PTPRZ1: variants seen among roughly 807,000 people sequenced by gnomAD.
The protein encoded by PTPRZ1 is receptor-type tyrosine-protein phosphatase zeta.
In PTPRZ1, 82 loss-of-function variants were observed where a neutral mutation model predicts 214.1. The observed-to-expected ratio is 0.38, with a 90% CI of 0.32 to 0.46. The LOEUF (loss-of-function observed/expected upper bound fraction) is 0.46. Among genes scored for constraint, PTPRZ1 ranks in the 20% least tolerant of loss-of-function variants. PTPRZ1 has a pLI of 1.00. For missense variants in PTPRZ1, 2,603 were observed against 2,748.7 expected (o/e 0.95, Z 1.19); for synonymous variants, 945 against 987.9 (o/e 0.96, Z 0.81).
intron 1 of PTPRZ1, among the ~76,000 whole-genome samples, chr7:121,902,230 T>C (rs967924224): frequency 2.6e-5 from 4 of 152,200 alleles, no homozygotes; most frequent in African/African-American, 9.6e-5. Context: ...ATATACCACA[T>C]TTTAAAATTC....
intron 27 of PTPRZ1, among the ~76,000 whole-genome samples, chr7:122,057,804 CA>C (rs1272008158): frequency 6.6e-6 from 1 of 151,584 alleles, no homozygotes; most frequent in African/African-American, 2.4e-5. Flanking sequence ...TGCTCTCTTA[CA>C]CTGTTTTCCA....
chr7:121,884,590 G>A (rs1424018336), intron 1 of PTPRZ1, among the ~76,000 whole-genome samples: 1 of 152,210 alleles, frequency 6.6e-6, no homozygotes, highest in Non-Finnish European at 1.5e-5. Context: ...TACACTGTCA[G>A]CCCTCTCCAA....
chr7:121,874,696 G>A (rs999847153), intron 1 of PTPRZ1, among the ~76,000 whole-genome samples: 5 of 152,128 alleles, frequency 3.3e-5, no homozygotes, highest in African/African-American at 1.2e-4. Flanking sequence ...ATTGCCCATA[G>A]ACCCCCACAC....
At chr7:122,059,706 T>A in intron 28 of PTPRZ1, 47 bp from the exon 29 acceptor site, 2 of 1,558,684 alleles carry the variant, frequency 1.3e-6, no homozygotes, top group Admixed American at 2.0e-5. Context: ...ATGTGAGTGG[T>A]GCATCTCAAT....
At chr7:121,874,104 T>G (rs150326567) in intron 1 of PTPRZ1, among the ~76,000 whole-genome samples, 76 of 151,808 alleles carry the variant, frequency 5.0e-4, no homozygotes, top group Middle Eastern at 3.4e-3. Flanking sequence ...AACCTGACTT[T>G]TCAGGGTTTT....
In PTPRZ1 at chr7:122,010,589, G is replaced by GAT; in HGVS notation, c.1546_1547dup (p.Ser517PhefsTer3). ...AGTCACTAAATTAGCCACAGAAAAA[G>GAT]ATATTTCCTTGACTTCTCAGACTGT... On this transcript the variant is annotated frameshift_variant, in exon 12 of 30. Coordinates refer to ENST00000393386, the MANE Select transcript of PTPRZ1 (RefSeq NM_002851.3). LOFTEE classifies it high-confidence loss of function. 1 of 1,613,662 alleles carries GAT rather than the reference G, an allele frequency of 6.2e-7. No homozygotes were observed. Among genetic ancestry groups the GAT allele is most frequent in the Non-Finnish European group, 8.5e-7 (1 of 1,179,588 alleles).
At chr7:122,026,892 G>A (rs897047102) in intron 13 of PTPRZ1, among the ~76,000 whole-genome samples, 23 of 152,178 alleles carry the variant, frequency 1.5e-4, no homozygotes, top group Admixed American at 4.6e-4. Flanking sequence ...TCAGAGAAAT[G>A]CTTCGGGGTT....
intron 17 of PTPRZ1, among the ~76,000 whole-genome samples, chr7:122,034,703 C>T (rs1303956967): frequency 6.6e-6 from 1 of 152,068 alleles, no homozygotes; most frequent in Non-Finnish European, 1.5e-5. Context: ...CCTATTTTCA[C>T]CTAGGATTTG....
Position 122,004,667 on chromosome 7 carries a change from T to C in PTPRZ1, c.1287+7T>C, listed in dbSNP as rs1231110226. 4 of 1,339,324 alleles carry C rather than the reference T, an allele frequency of 3.0e-6. No homozygotes were observed. Among genetic ancestry groups the C allele is most frequent in the Non-Finnish European group, 1.0e-6 (1 of 959,080 alleles). 83.0% of individuals were successfully genotyped at this position (1,339,324 alleles called of 1,614,324 possible). ...AACTGAAGAAATAATCAAGGTATCATAGCCATTTTTATATTCAAATGTTTT... is the reference window on the plus strand; with the variant it reads ...AACTGAAGAAATAATCAAGGTATCACAGCCATTTTTATATTCAAATGTTTT... On this transcript the variant is annotated splice_region_variant and intron_variant, in intron 11 of 29. Coordinates refer to ENST00000393386, the MANE Select transcript of PTPRZ1 (RefSeq NM_002851.3).
intron 2 of PTPRZ1, among the ~76,000 whole-genome samples, chr7:121,947,920 A>G (rs1191304894): frequency 6.6e-6 from 1 of 152,180 alleles, no homozygotes; most frequent in Admixed American, 6.5e-5. Context: ...ATTGAACTGA[A>G]TTCTCGGTAG....
In PTPRZ1 at chr7:122,034,096, C is replaced by A. The variant is rs148161989; in HGVS notation, c.5168C>A (p.Thr1723Lys). 61 of 1,594,770 alleles carry A rather than the reference C, an allele frequency of 3.8e-5. No homozygotes were observed. The highest frequency in any genetic ancestry group is 2.3e-4 in the African/African-American group (17 of 74,554). ...ASSGFTEEFE[T>K]LKEFYQEVQS... ...TTTTGGCATTCATTCCCTCATTAGACACTGAAAGAGTTTTACCAGGTAAGG... is the reference window on the plus strand; with the variant it reads ...TTTTGGCATTCATTCCCTCATTAGAAACTGAAAGAGTTTTACCAGGTAAGG... Residue 1723 changes from threonine (T) to lysine (K), a missense_variant and splice_region_variant, in exon 16 of 30, where the codon ACA (threonine) becomes AAA (lysine). This residue lies in a region of PTPRZ1 where 1,913 missense variants were observed against 1,914.3 expected (regional missense o/e 1.00). Transcript: ENST00000393386.
At chr7:121,957,678 A>G (rs996743924) in intron 2 of PTPRZ1, among the ~76,000 whole-genome samples, 1 of 152,214 alleles carries the variant, frequency 6.6e-6, no homozygotes, top group African/African-American at 2.4e-5. Flanking sequence ...TAATTTGCAC[A>G]GTCTGAGATG....
intron 3 of PTPRZ1, 129 bp from the exon 4 acceptor site, chr7:121,972,412 C>A (rs972069100): frequency 5.3e-6 from 5 of 947,414 alleles, no homozygotes; most frequent in Non-Finnish European, 7.5e-6. Context: ...TCCAAAATGG[C>A]GACTTCATAT....
At chr7:121,971,015 A>C (rs1052286523) in intron 3 of PTPRZ1, among the ~76,000 whole-genome samples, 8 of 152,260 alleles carry the variant, frequency 5.3e-5, no homozygotes, top group South Asian at 4.1e-4. Flanking sequence ...TCAGCTTTCT[A>C]CATATGGCTA....
rs1459948765 is a variant in PTPRZ1, at chr7:122,000,693, A to G, written c.1240+2687A>G. ...TATATATATATATATATATATATATATATATATATTTGAGGTGGAGTCTTG... is the reference window on the plus strand; with the variant it reads ...TATATATATATATATATATATATATGTATATATATTTGAGGTGGAGTCTTG... On this transcript the variant is annotated intron_variant, in intron 10 of 29. Coordinates refer to ENST00000393386, the MANE Select transcript of PTPRZ1 (RefSeq NM_002851.3). Among the ~76,000 whole-genome samples, 273 of 70,922 alleles carry G rather than the reference A, an allele frequency of 3.8e-3. 1 individual carries two copies. Among genetic ancestry groups the G allele is most frequent in the African/African-American group, 0.013 (264 of 19,708 alleles). The allele number at this position is 70,922 out of a possible 152,430, so 46.5% of individuals were successfully genotyped here.
chr7:122,050,722 G>T (rs1189381500), intron 23 of PTPRZ1, among the ~76,000 whole-genome samples: 1 of 151,814 alleles, frequency 6.6e-6, no homozygotes, highest in Non-Finnish European at 1.5e-5. Context: ...ATATGAAAAG[G>T]CAATCATCAA....
chr7:122,045,683 T>TACACACACACACACAC (rs71172161), intron 23 of PTPRZ1, among the ~76,000 whole-genome samples: 30 of 146,610 alleles, frequency 2.0e-4, no homozygotes, highest in Middle Eastern at 3.4e-3. Context: ...CTAAATAAAT[T>TACACACACACACACAC]ACACACACAC....
At chr7:122,029,286 C>A (rs1454827548) in intron 14 of PTPRZ1, among the ~76,000 whole-genome samples, 2 of 151,804 alleles carry the variant, frequency 1.3e-5, no homozygotes, top group African/African-American at 4.8e-5. Context: ...TCAAAGGTAG[C>A]CAGGGTCATT....
In PTPRZ1 at chr7:122,011,028, C is replaced by T. The variant is rs946800806; in HGVS notation, c.1982C>T (p.Thr661Ile). 1.2e-6 allele frequency: 2 copies of T among 1,614,118 alleles called. No homozygotes were observed. The highest frequency in any genetic ancestry group is 8.5e-7 in the Non-Finnish European group (1 of 1,180,012). The change falls in exon 12 of 30, where the codon ACA becomes ATA. Residue 661 changes from threonine to isoleucine, a missense_variant. By Grantham distance (89) the Thr-to-Ile change is moderately conservative. This residue lies in a region of PTPRZ1 where 1,913 missense variants were observed against 1,914.3 expected (regional missense o/e 1.00). Transcript: ENST00000393386. ...TGGTTTCCTAGCTCTACAGACATAA[C>T]AGCACAGCCCGATGTTGGATCAGGC... ...NVWFPSSTDI[T>I]AQPDVGSGRE...
Sources: gnomAD v4.1 joint callset for allele counts (sites outside exome capture counted in the v4.1 genomes callset) on GRCh38, gnomAD v4.1.1 for gene constraint, gnomAD v4.1.1 regional missense constraint, MANE v1.5 for transcripts, NCBI Gene and HGNC (gene_info 2026-07-23, HGNC 2026-07-21) for gene names.